The following KIAA0513 variants were observed in gnomAD, a reference collection of about 807,000 sequenced individuals.
The protein encoded by KIAA0513 is KIAA0513.
In KIAA0513, 39 loss-of-function variants were observed where a neutral mutation model predicts 56.5. That is an observed-to-expected ratio of 0.69 (90% confidence interval 0.53 to 0.90). The LOEUF (loss-of-function observed/expected upper bound fraction) is 0.90. Among genes scored for constraint, KIAA0513 ranks in the 40% least tolerant of loss-of-function variants. The pLI, the probability that KIAA0513 is intolerant of heterozygous loss-of-function variation, is 0.00. For missense variants in KIAA0513, 591 were observed against 535.2 expected (o/e 1.10, Z -1.03); for synonymous variants, 268 against 215.6 (o/e 1.24, Z -2.13).
chr16:85,065,105 C>T (rs1028166908), intron 1 of KIAA0513, among the ~76,000 whole-genome samples: 3 of 152,212 alleles, frequency 2.0e-5, no homozygotes, highest in Non-Finnish European at 4.4e-5. Context: ...AATGTTCCTA[C>T]TATATTTACT....
chr16:85,081,258 AC>A lies in KIAA0513; in HGVS notation c.903-54del. The A allele has an allele frequency of 6.6e-7, 1 of 1,525,250 alleles. No individual in the cohort carries two copies. 94.5% of individuals were successfully genotyped at this position (1,525,250 alleles called of 1,614,324 possible). ...TTGTTTATCCCTCAAGGGGCCCACA[AC>A]CCGTGTCCTCCCCGCCTCCCCTTGG... On this transcript the variant is annotated intron_variant, in intron 8 of 12. Transcript: ENST00000683363. This position sits in a 1 kb window ranked among gnomAD's most constrained non-coding sequence, Gnocchi z 4.4.
rs1386312880 is a variant in KIAA0513 at position 85,091,115 on chromosome 16, C to T, written c.*2790C>T. The T allele has an allele frequency of 6.6e-6, 1 of 152,274 alleles. No individual in the cohort carries two copies. Among genetic ancestry groups the T allele is most frequent in the Non-Finnish European group, 1.5e-5 (1 of 68,068 alleles). The allele number at this position is 152,274 out of a possible 1,614,324, so 9.4% of individuals were successfully genotyped here. On this transcript the variant is annotated 3_prime_UTR_variant, in exon 13 of 13. Coordinates refer to ENST00000683363, the MANE Select transcript of KIAA0513 (RefSeq NM_001388359.1). ...GTCCCAGCAGGCAGAATGCCCAAAA[C>T]CAGGAGCACGAAGGCCTGTCATCCA...
intron 10 of KIAA0513, among the ~76,000 whole-genome samples, chr16:85,082,936 G>T (rs1333214067): frequency 2.0e-5 from 3 of 152,272 alleles, no homozygotes; most frequent in Non-Finnish European, 4.4e-5. Context: ...TTCTGAGCCA[G>T]CCGTGCTCTC....
chr16:85,049,439 C>T (rs1384543342), intron 1 of KIAA0513, among the ~76,000 whole-genome samples: 1 of 152,234 alleles, frequency 6.6e-6, no homozygotes, highest in Non-Finnish European at 1.5e-5. Context: ...CCCACCCAAT[C>T]TCCTGTCGAA....
chr16:85,066,217 T>A (rs950039881), intron 1 of KIAA0513, among the ~76,000 whole-genome samples: 2 of 150,782 alleles, frequency 1.3e-5, no homozygotes, highest in South Asian at 4.2e-4. Context: ...GCTTGAGGGG[T>A]GAATAGAACT....
rs574153231 is a variant in KIAA0513, at chr16:85,077,808, C to A, written c.782+176C>A. On this transcript the variant is annotated intron_variant, in intron 6 of 12. Transcript: ENST00000683363. ...CTATGGTCTGCAAAGCCAAGCCCCC[C>A]CCACTGACATGCAGGGATGTCCCTG... Among the ~76,000 whole-genome samples the A allele has an allele frequency of 2.0e-4, 30 of 152,276 alleles. No individual in the cohort carries two copies. In the East Asian group the frequency reaches 2.9e-3, roughly 15 times the overall value.
intron 1 of KIAA0513, among the ~76,000 whole-genome samples, chr16:85,035,048 G>A (rs968625661): frequency 1.3e-5 from 2 of 151,560 alleles, no homozygotes; most frequent in Non-Finnish European, 1.5e-5. Context: ...TCCCCAGGCC[G>A]AGCCGTCAGG....
chr16:85,088,201 C>G (rs145200070), intron 12 of KIAA0513, 75 bp from the exon 13 acceptor site: 1 of 1,399,246 alleles, frequency 7.1e-7, no homozygotes, highest in Non-Finnish European at 1.0e-6. Flanking sequence ...CGTCCCTGTC[C>G]GAGTGACAAG....
intron 1 of KIAA0513, among the ~76,000 whole-genome samples, chr16:85,035,979 A>C (rs918343287): frequency 7.4e-5 from 10 of 135,766 alleles, no homozygotes; most frequent in South Asian, 2.4e-4. Context: ...ACTCCGTCCC[A>C]AAAAAAAAAA....
chr16:85,042,686 T>C (rs1485082775), intron 1 of KIAA0513, among the ~76,000 whole-genome samples: 1 of 152,216 alleles, frequency 6.6e-6, no homozygotes, highest in African/African-American at 2.4e-5. Context: ...ATTATATCAT[T>C]ATCAAAAAGT....
chr16:85,083,949 A>G (rs1328329071), intron 10 of KIAA0513, among the ~76,000 whole-genome samples: 1 of 152,194 alleles, frequency 6.6e-6, no homozygotes, highest in East Asian at 1.9e-4. Flanking sequence ...TTTCCCTCTC[A>G]GCAGGCTGTT....
chr16:85,042,746 G>T (rs2073120580), intron 1 of KIAA0513, among the ~76,000 whole-genome samples: 1 of 152,206 alleles, frequency 6.6e-6, no homozygotes, highest in Non-Finnish European at 1.5e-5. Context: ...GTCCAGACCA[G>T]CATGGCTCCC....
chr16:85,072,982 G>A lies in KIAA0513; in HGVS notation c.487G>A (p.Ala163Thr). Residue 163 changes from alanine to threonine, a missense_variant, in exon 4 of 13, where the codon GCA (alanine) becomes ACA (threonine). Physicochemically the swap from Ala to Thr is moderately conservative, Grantham distance 58. Coordinates refer to ENST00000683363, the MANE Select transcript of KIAA0513 (RefSeq NM_001388359.1). ...ATFYRLVQSF[A>T]VVLFECHQMD... Reference sequence around the variant, plus strand: ...CTTCTACCGCCTGGTGCAGTCTTTTGCAGTGGTGCTGTTCGAGTAAGTAAT... The same window carrying A: ...CTTCTACCGCCTGGTGCAGTCTTTTACAGTGGTGCTGTTCGAGTAAGTAAT... The A allele has an allele frequency of 6.2e-7, 1 of 1,614,076 alleles. No individual in the cohort carries two copies. Among genetic ancestry groups the A allele is most frequent in the Non-Finnish European group, 8.5e-7 (1 of 1,179,952 alleles).
chr16:85,089,928 A>G lies in KIAA0513; in HGVS notation c.*1603A>G, dbSNP rs1307378482. The stretch of plus-strand genomic sequence containing the variant: ...TGATGCATTTGGACCATATGCTGCC[A>G]GACTGCAGAACGGGGGAGCCGGGGC... On this transcript the variant is annotated 3_prime_UTR_variant, in exon 13 of 13. Coordinates refer to ENST00000683363, the MANE Select transcript of KIAA0513 (RefSeq NM_001388359.1). The surrounding 1 kb of genome is among the most constrained non-coding windows in gnomAD (Gnocchi z 4.2). 6.6e-6 allele frequency: 1 copy of G among 152,208 alleles called. No homozygotes were observed. The highest frequency in any genetic ancestry group is 1.5e-5 in the Non-Finnish European group (1 of 68,102). The allele number at this position is 152,208 out of a possible 1,614,324, so 9.4% of individuals were successfully genotyped here. A position where few individuals can be genotyped will look rare whatever the true frequency, so the allele number is the denominator to read the frequency against.
chr16:85,033,038 G>A (rs2072987509), intron 1 of KIAA0513, among the ~76,000 whole-genome samples: 1 of 152,152 alleles, frequency 6.6e-6, no homozygotes, highest in Non-Finnish European at 1.5e-5. Context: ...AATCCATAAT[G>A]CCTTCCAGCA....
chr16:85,077,102 G>A (rs971101150), intron 5 of KIAA0513, among the ~76,000 whole-genome samples: 1 of 152,210 alleles, frequency 6.6e-6, no homozygotes. Flanking sequence ...CCTGGCACTG[G>A]CATGGTCGGG....
intron 4 of KIAA0513, among the ~76,000 whole-genome samples, chr16:85,074,122 G>A (rs1229881607): frequency 6.6e-6 from 1 of 151,642 alleles, no homozygotes; most frequent in Admixed American, 6.6e-5. Flanking sequence ...TTACGGGCAC[G>A]CACTATCATG....
intron 1 of KIAA0513, among the ~76,000 whole-genome samples, chr16:85,033,790 T>C (rs1481928179): frequency 6.6e-6 from 1 of 152,208 alleles, no homozygotes; most frequent in Non-Finnish European, 1.5e-5. Flanking sequence ...TATGCCCGTC[T>C]TTATTTATTT....
chr16:85,049,147 C>T (rs1394813188), intron 1 of KIAA0513, among the ~76,000 whole-genome samples: 1 of 152,252 alleles, frequency 6.6e-6, no homozygotes, highest in Non-Finnish European at 1.5e-5. Flanking sequence ...TGCAGAGCGC[C>T]TTGGGCCCCA....
Sources: allele counts gnomAD v4.1 joint callset (sites outside exome capture counted in the v4.1 genomes callset), GRCh38; gene constraint gnomAD v4.1.1; non-coding constraint Gnocchi (gnomAD v3.1); transcripts MANE v1.5; gene names NCBI Gene and HGNC (gene_info 2026-07-23, HGNC 2026-07-21).